Variants in PAX9 observed in about 807,000 individuals in gnomAD.
The protein encoded by PAX9 is paired box protein Pax-9.
A neutral mutation model predicts 29.1 loss-of-function variants in PAX9; 6 were observed. That is an observed-to-expected ratio of 0.21 (90% confidence interval 0.11 to 0.41). The LOEUF (loss-of-function observed/expected upper bound fraction) is 0.41, where lower values mean the gene tolerates loss of function less well. PAX9 is among the 10% of genes least tolerant of loss of function. PAX9 has a pLI of 1.00. For synonymous variants in PAX9, 217 were observed against 211.7 expected (o/e 1.03, Z -0.22); for missense variants, 443 against 479.1 (o/e 0.92, Z 0.70).
At chr14:36,675,096 C>G (rs1430874719) in intron 3 of PAX9, among the ~76,000 whole-genome samples, 1 of 152,114 alleles carries the variant, frequency 6.6e-6, no homozygotes, top group African/African-American at 2.4e-5. Context: ...ATCAATTTTC[C>G]TCATAAAATT....
chr14:36,661,874 T>C lies in PAX9; in HGVS notation c.-216T>C. On this transcript the variant is annotated 5_prime_UTR_variant, in exon 1 of 4. Transcript: ENST00000361487. ...CTGCCCTGCTCAGCCCAGCCCACGT[T>C]GCTGCTTAGATTGAAATGCAGAACT... 1 of 647,354 alleles carries C rather than the reference T, an allele frequency of 1.5e-6. No homozygotes were observed. Among genetic ancestry groups the C allele is most frequent in the East Asian group, 2.8e-5 (1 of 36,336 alleles). The allele number at this position is 647,354 out of a possible 1,614,324, so 40.1% of individuals were successfully genotyped here.
intron 3 of PAX9, chr14:36,670,965 T>C: frequency 2.9e-6 from 1 of 341,762 alleles, no homozygotes; most frequent in Non-Finnish European, 5.7e-6. Flanking sequence ...TATGTTTTAC[T>C]AGGTCATTGC....
At chr14:36,672,425 A>C (rs568221945) in intron 3 of PAX9, among the ~76,000 whole-genome samples, 2 of 152,328 alleles carry the variant, frequency 1.3e-5, no homozygotes, top group South Asian at 4.1e-4. Flanking sequence ...TGCTACCTGT[A>C]GTTGTTTTCC....
chr14:36,679,219 T>C lies in PAX9; in HGVS notation c.*2767T>C. The C allele has an allele frequency of 1.0e-6, 1 of 984,600 alleles. No individual in the cohort carries two copies. Among genetic ancestry groups the C allele is most frequent in the Non-Finnish European group, 1.2e-6 (1 of 829,188 alleles). 61.0% of individuals were successfully genotyped at this position (984,600 alleles called of 1,614,324 possible). A position where few individuals can be genotyped will look rare whatever the true frequency, so the allele number is the denominator to read the frequency against. On this transcript the variant is annotated 3_prime_UTR_variant, in exon 4 of 4. Coordinates refer to ENST00000361487, the MANE Select transcript of PAX9 (RefSeq NM_001372076.1). ...TTTGTTTTGTTTTTAATGACCCTTT[T>C]ATTGAATATTGGACTGAAATATAAA...
chr14:36,661,482 C>T (rs1482775198), upstream of PAX9, among the ~76,000 whole-genome samples: 2 of 152,222 alleles, frequency 1.3e-5, no homozygotes, highest in Non-Finnish European at 2.9e-5. Context: ...CCCCTGTGCA[C>T]GGTGGCGCCC....
intron 3 of PAX9, chr14:36,671,124 T>G (rs1337824578): frequency 2.5e-6 from 1 of 400,584 alleles, no homozygotes; most frequent in East Asian, 9.0e-5. Context: ...TGGCTAAATC[T>G]ACTTTATTAT....
At chr14:36,665,466 T>C (rs1321613021) in intron 2 of PAX9, among the ~76,000 whole-genome samples, 1 of 152,176 alleles carries the variant, frequency 6.6e-6, no homozygotes, top group Non-Finnish European at 1.5e-5. Context: ...CCTCCACCCA[T>C]AGGACCCAAA....
upstream of PAX9, among the ~76,000 whole-genome samples, chr14:36,660,049 G>A (rs759676946): frequency 6.6e-5 from 10 of 152,102 alleles, no homozygotes; most frequent in Non-Finnish European, 1.5e-4. Context: ...GCCTGTCTGT[G>A]AGGGGGGAGG....
chr14:36,673,203 T>C (rs184007466), intron 3 of PAX9, among the ~76,000 whole-genome samples: 1 of 152,222 alleles, frequency 6.6e-6, no homozygotes, highest in African/African-American at 2.4e-5. Flanking sequence ...ATCTCCGAGC[T>C]TCTCTTCCTA....
intron 3 of PAX9, among the ~76,000 whole-genome samples, chr14:36,668,577 G>C (rs12893140): frequency 0.51 from 77,054 of 151,796 alleles, 20,964 homozygotes; most frequent in East Asian, 0.75. Context: ...TTAGTAGAGA[G>C]AGGGTTTCAC....
At chr14:36,662,784 AG>A (rs1881328546) in intron 1 of PAX9, 112 bp from the exon 2 acceptor site, 1 of 1,286,436 alleles carries the variant, frequency 7.8e-7, no homozygotes, top group South Asian at 1.3e-5. Flanking sequence ...CCCAGTAGTT[AG>A]TAGGGGACGG....
rs1409879675 is a variant in PAX9, at chr14:36,663,891, C to A, written c.631+368C>A. Among the ~76,000 whole-genome samples, 5 of 152,346 alleles carry A rather than the reference C, an allele frequency of 3.3e-5. No individual in the cohort carries two copies. The East Asian group carries it at 9.7e-4, about 29-fold the overall frequency. ...GGACTTGGGGCGCAGCCCGGGAGGC[C>A]CGAGCCTGCTTGGGGCTGCCGGCTG... On this transcript the variant is annotated intron_variant, in intron 2 of 3. Coordinates refer to ENST00000361487, the MANE Select transcript of PAX9 (RefSeq NM_001372076.1).
intron 3 of PAX9, among the ~76,000 whole-genome samples, chr14:36,674,531 G>GC (rs1881812812): frequency 1.3e-5 from 2 of 152,332 alleles, no homozygotes; most frequent in South Asian, 4.1e-4. Context: ...TTTAAAAAAT[G>GC]CAGCAGCATC....
rs184557706 is a variant in PAX9 at position 36,666,610 on chromosome 14, G to A, written c.771+9G>A. 4 of 1,560,510 alleles carry A rather than the reference G, an allele frequency of 2.6e-6. No individual in the cohort carries two copies. In the East Asian group the frequency reaches 9.5e-5, roughly 37 times the overall value. On this transcript the variant is annotated intron_variant, in intron 3 of 3. Transcript: ENST00000361487. Reference sequence around the variant, plus strand: ...AAGCCAAGTACGGTCAGGTGAGGAGGCGAGGGTCAGGCCAGGTGGGCCGCG... The same window carrying A: ...AAGCCAAGTACGGTCAGGTGAGGAGACGAGGGTCAGGCCAGGTGGGCCGCG...
chr14:36,659,654 A>G (rs909811235), upstream of PAX9, among the ~76,000 whole-genome samples: 7 of 151,954 alleles, frequency 4.6e-5, no homozygotes, highest in African/African-American at 1.7e-4. Flanking sequence ...CTGAGTTGCT[A>G]CCCCTGGCAC....
At chr14:36,659,605 G>T (rs1881180099), upstream of PAX9, among the ~76,000 whole-genome samples, 1 of 152,222 alleles carries the variant, frequency 6.6e-6, no homozygotes, top group African/African-American at 2.4e-5. Flanking sequence ...AGTGGGGCCT[G>T]CGGGGAGCCG....
At chr14:36,662,417 G>GGAAAA (rs750984890) in intron 1 of PAX9, among the ~76,000 whole-genome samples, 22 of 152,284 alleles carry the variant, frequency 1.4e-4, no homozygotes, top group Non-Finnish European at 2.4e-4. Flanking sequence ...AAACAAAACA[G>GGAAAA]GAAAAGAAAA....
chr14:36,658,901 C>T (rs1485740335), upstream of PAX9: 1 of 152,366 alleles, frequency 6.6e-6, no homozygotes, highest in East Asian at 1.9e-4. Context: ...GTCCCCGGCC[C>T]CTGCTCCCCT....
In PAX9 at chr14:36,675,785, C is replaced by T. The variant is rs1474839492; in HGVS notation, c.772-413C>T. Among the ~76,000 whole-genome samples, 4 of 152,176 alleles carry T rather than the reference C, an allele frequency of 2.6e-5. No individual in the cohort carries two copies. The East Asian group carries it at 7.7e-4, about 29-fold the overall frequency. On this transcript the variant is annotated intron_variant, in intron 3 of 3. Transcript: ENST00000361487. Reference sequence around the variant, plus strand: ...TGAAAGTTATACCAACCAGGCCTGTCACAAGTGCCTCAACAAAAGAGCCAA... The same window carrying T: ...TGAAAGTTATACCAACCAGGCCTGTTACAAGTGCCTCAACAAAAGAGCCAA...
Sources: allele counts gnomAD v4.1 joint callset (sites outside exome capture counted in the v4.1 genomes callset), GRCh38; gene constraint gnomAD v4.1.1; transcripts MANE v1.5; gene names NCBI Gene and HGNC (gene_info 2026-07-23, HGNC 2026-07-21).